CDS2: variants seen among roughly 807,000 people sequenced by gnomAD.
CDS2 encodes CDP-diacylglycerol synthase 2.
A neutral mutation model predicts 59.0 loss-of-function variants in CDS2; 47 were observed. The observed-to-expected ratio is 0.80, with a 90% CI of 0.63 to 1.02. CDS2 has a LOEUF of 1.02. Among genes scored for constraint, CDS2 ranks in the 50% least tolerant of loss-of-function variants. The pLI is 0.00. For missense variants in CDS2, 356 were observed against 558.9 expected (o/e 0.64, Z 3.66); for synonymous variants, 207 against 206.4 (o/e 1.00, Z -0.02).
intron 1 of CDS2, among the ~76,000 whole-genome samples, chr20:5,170,719 C>T (rs2090950155): frequency 6.6e-6 from 1 of 152,240 alleles, no homozygotes; most frequent in Non-Finnish European, 1.5e-5. Flanking sequence ...TGGAGTTACT[C>T]ACTTAAAGGT....
intron 1 of CDS2, among the ~76,000 whole-genome samples, chr20:5,142,053 G>A (rs192288534): frequency 2.0e-4 from 30 of 152,352 alleles, no homozygotes; most frequent in Non-Finnish European, 1.8e-4. Flanking sequence ...GTTCACTTGT[G>A]CCTGTAATTC....
In CDS2 at chr20:5,182,428, C is replaced by A; in HGVS notation, c.571C>A (p.Arg191=). 6.2e-7 allele frequency: 1 copy of A among 1,612,174 alleles called. No homozygotes were observed. The highest frequency in any genetic ancestry group is 1.1e-5 in the South Asian group (1 of 90,766). ...FVLSLVKKHY[R]LQFYMFGWTH... is the part of the protein sequence containing the mutation. ...ACTGAGTCTGGTCAAGAAGCATTATCGACTGCAGTTCTACATGGTAAAGGA... is the reference window on the plus strand; with the variant it reads ...ACTGAGTCTGGTCAAGAAGCATTATAGACTGCAGTTCTACATGGTAAAGGA... The change falls in exon 6 of 13, where the codon CGA becomes AGA. Residue 191 remains arginine (R), a synonymous_variant. Transcript: ENST00000460006.
chr20:5,175,470 G>A, intron 3 of CDS2, 191 bp downstream of exon 3: 1 of 525,530 alleles, frequency 1.9e-6, no homozygotes, highest in South Asian at 2.1e-5. Context: ...GTGTAGGCTG[G>A]TTGTTTATGG....
intron 1 of CDS2, among the ~76,000 whole-genome samples, chr20:5,144,847 C>T (rs1206867986): frequency 2.0e-5 from 3 of 152,082 alleles, no homozygotes; most frequent in African/African-American, 7.2e-5. Context: ...CGGTCCTTTC[C>T]CCTCTGGCTT....
In CDS2 at chr20:5,183,057, G is replaced by A. The variant is rs759982098; in HGVS notation, c.589-4G>A. ...AGTAGTGTTTATTTTTCTTTTTTTT[G>A]CAGTTTGGCTGGACCCATGTGACAT... On this transcript the variant is annotated splice_region_variant and splice_polypyrimidine_tract_variant and intron_variant, in intron 6 of 12. Coordinates refer to ENST00000460006, the MANE Select transcript of CDS2 (RefSeq NM_003818.4). 6 of 1,607,992 alleles carry A rather than the reference G, an allele frequency of 3.7e-6. No homozygotes were observed. Among genetic ancestry groups the A allele is most frequent in the Non-Finnish European group, 5.1e-6 (6 of 1,177,508 alleles).
chr20:5,131,066 C>T lies in CDS2; in HGVS notation c.57+3917C>T, dbSNP rs549229548. On this transcript the variant is annotated intron_variant, in intron 1 of 12. Transcript: ENST00000460006. Reference sequence around the variant, plus strand: ...CGAGATGGCGCCACTGCACGCCAGCCTGGGCGACAGAGCAAGACTCTGTCT... The same window carrying T: ...CGAGATGGCGCCACTGCACGCCAGCTTGGGCGACAGAGCAAGACTCTGTCT... Among the ~76,000 whole-genome samples, 5 of 148,750 alleles carry T rather than the reference C, an allele frequency of 3.4e-5. No homozygotes were observed. In the East Asian group the frequency reaches 9.8e-4, roughly 29 times the overall value.
chr20:5,155,735 A>G (rs568977549), intron 1 of CDS2, among the ~76,000 whole-genome samples: 1 of 152,330 alleles, frequency 6.6e-6, no homozygotes, highest in South Asian at 2.1e-4. Context: ...CTTGCCATGT[A>G]AGATAATATT....
intron 2 of CDS2, 119 bp downstream of exon 2, chr20:5,173,778 C>T (rs6133192): frequency 8.7e-7 from 1 of 1,151,446 alleles, no homozygotes; most frequent in African/African-American, 1.5e-5. Flanking sequence ...TTGCCTCAGC[C>T]TCCCATGCCA....
chr20:5,190,105 C>G lies in CDS2; in HGVS notation c.1209C>G (p.Gly403=), dbSNP rs750243785. 47 of 1,613,814 alleles carry G rather than the reference C, an allele frequency of 2.9e-5. No homozygotes were observed. In the South Asian group the frequency reaches 5.2e-4, roughly 18 times the overall value. The change falls in exon 13 of 13, where the codon GGC becomes GGG. Residue 403 remains glycine, a synonymous_variant. Coordinates refer to ENST00000460006, the MANE Select transcript of CDS2 (RefSeq NM_003818.4). ...GTTTCTTCACATTCTGTTCCAGAGG[C>G]CCTAACCCAAGCAAACTGATTCAGC... ...VNVYIASFIR[G]PNPSKLIQQF...
intron 7 of CDS2, 58 bp downstream of exon 7, chr20:5,183,201 T>TA: frequency 7.1e-7 from 1 of 1,414,006 alleles, no homozygotes; most frequent in Non-Finnish European, 1.0e-6. Flanking sequence ...CGTGTACAGA[T>TA]ACCCCCCTCT....
chr20:5,188,926 CCT>C (rs2123070016), intron 10 of CDS2, 139 bp from the exon 11 acceptor site: 1 of 972,924 alleles, frequency 1.0e-6, no homozygotes, highest in East Asian at 2.4e-5. Context: ...GGGATTTGCC[CCT>C]GTGACCCAAA....
Position 5,187,891 on chromosome 20 carries a change from A to AG in CDS2, c.981+1052_981+1053insG, listed in dbSNP as rs1184736187. The AG allele has an allele frequency of 2.0e-5, 3 of 151,982 alleles. No individual in the cohort carries two copies. In the East Asian group the frequency reaches 5.8e-4, roughly 29 times the overall value. The allele number at this position is 151,982 out of a possible 1,614,324, so 9.4% of individuals were successfully genotyped here. ...AGTGAGACTGTCTCAAAAAAAAAAAAAAAAAGAAAAGAAAAATGACTGACA... is the reference window on the plus strand; with the variant it reads ...AGTGAGACTGTCTCAAAAAAAAAAAAGAAAAAGAAAAGAAAAATGACTGACA... On this transcript the variant is annotated intron_variant, in intron 10 of 12. Coordinates refer to ENST00000460006, the MANE Select transcript of CDS2 (RefSeq NM_003818.4).
At chr20:5,177,181 C>T (rs1486876120) in intron 4 of CDS2, among the ~76,000 whole-genome samples, 3 of 152,016 alleles carry the variant, frequency 2.0e-5, no homozygotes, top group East Asian at 1.9e-4. Context: ...ATGATGATCC[C>T]GTTTTTCTAG....
intron 1 of CDS2, among the ~76,000 whole-genome samples, chr20:5,164,155 C>T (rs762705147): frequency 5.9e-5 from 9 of 152,048 alleles, no homozygotes; most frequent in Non-Finnish European, 1.3e-4. Flanking sequence ...CCATGTTCTT[C>T]AAGGGAGAAA....
At chr20:5,154,073 C>G (rs1285982819) in intron 1 of CDS2, among the ~76,000 whole-genome samples, 3 of 152,122 alleles carry the variant, frequency 2.0e-5, no homozygotes, top group African/African-American at 7.2e-5. Context: ...TTCTTTCCAC[C>G]CCGTTCCCAC....
At chr20:5,189,031 A>G (rs1460794530) in intron 10 of CDS2, 36 bp from the exon 11 acceptor site, 1 of 1,613,294 alleles carries the variant, frequency 6.2e-7, no homozygotes, top group Non-Finnish European at 8.5e-7. Context: ...CTGGGCATGT[A>G]TGCACCTAAA....
rs141344527 is a variant in CDS2, at chr20:5,184,461, C to T, written c.672-397C>T. 9.6e-3 allele frequency among the ~76,000 whole-genome samples: 1,457 copies of T among 152,004 alleles called. 13 individuals are homozygous for T. Among genetic ancestry groups the T allele is most frequent in the Non-Finnish European group, 0.012 (807 of 67,966 alleles). On this transcript the variant is annotated intron_variant, in intron 7 of 12. Transcript: ENST00000460006. The surrounding 1 kb of genome is among the most constrained non-coding windows in gnomAD (Gnocchi z 4.3). ...ATACTATTTAGAATTGGGGAGGTAACCACTAGAAAAATAAAAATTAGAAAC... is the reference window on the plus strand; with the variant it reads ...ATACTATTTAGAATTGGGGAGGTAATCACTAGAAAAATAAAAATTAGAAAC...
chr20:5,179,397 C>T (rs1193712457), intron 5 of CDS2, among the ~76,000 whole-genome samples: 1 of 152,230 alleles, frequency 6.6e-6, no homozygotes, highest in African/African-American at 2.4e-5. Flanking sequence ...GCTGGGATTA[C>T]AGGTGTGAGC....
In CDS2 at chr20:5,197,057, G is replaced by A. The variant is rs891592523; in HGVS notation, c.*6823G>A. The A allele has an allele frequency of 1.3e-5, 2 of 152,148 alleles. No homozygotes were observed. The highest frequency in any genetic ancestry group is 4.8e-5 in the African/African-American group (2 of 41,422). 9.4% of individuals were successfully genotyped at this position (152,148 alleles called of 1,614,324 possible). On this transcript the variant is annotated 3_prime_UTR_variant, in exon 13 of 13. Transcript: ENST00000460006. The stretch of plus-strand genomic sequence containing the variant: ...TGGCCCTGGATGTCATACGAGTTGG[G>A]GACCAGAAATCTGGGCTCAGAGAAC...
Sources: allele counts gnomAD v4.1 joint callset (sites outside exome capture counted in the v4.1 genomes callset), GRCh38; gene constraint gnomAD v4.1.1; non-coding constraint Gnocchi (gnomAD v3.1); transcripts MANE v1.5; gene names NCBI Gene and HGNC (gene_info 2026-07-23, HGNC 2026-07-21).